ADAM23: variants seen among roughly 807,000 people sequenced by gnomAD.
The protein encoded by ADAM23 is disintegrin and metalloproteinase domain-containing protein 23.
ADAM23 carries 33 observed loss-of-function variants against 120.1 expected under a neutral mutation model. That is an observed-to-expected ratio of 0.27 (90% confidence interval 0.21 to 0.37). ADAM23 has a LOEUF of 0.37. ADAM23 is among the 10% of genes least tolerant of loss of function. ADAM23 has a pLI of 1.00. For missense variants in ADAM23, 862 were observed against 1,058.2 expected (o/e 0.81, Z 2.57); for synonymous variants, 367 against 375.2 (o/e 0.98, Z 0.25).
intron 7 of ADAM23, among the ~76,000 whole-genome samples, chr2:206,547,923 A>G (rs1256949696): frequency 6.6e-6 from 1 of 152,204 alleles, no homozygotes; most frequent in Non-Finnish European, 1.5e-5. Context: ...TCTGTATATT[A>G]CTGCTAAAAG....
rs183488602 is a variant in ADAM23 at position 206,537,760 on chromosome 2, T to C, written c.574-4292T>C. 1.1e-4 allele frequency among the ~76,000 whole-genome samples: 16 copies of C among 152,306 alleles called. No homozygotes were observed. In the East Asian group the frequency reaches 2.9e-3, roughly 28 times the overall value. On this transcript the variant is annotated intron_variant, in intron 4 of 25. Transcript: ENST00000264377. ...CCTATACTAAAAATGACTCTTTTAC[T>C]TGCGTGTACACTAGAATTTTTTCCC... is the stretch of plus-strand genomic sequence containing the variant.
At chr2:206,444,818 A>G (rs1156867868) in intron 1 of ADAM23, among the ~76,000 whole-genome samples, 1 of 152,220 alleles carries the variant, frequency 6.6e-6, no homozygotes, top group Non-Finnish European at 1.5e-5. Flanking sequence ...AGAGTCGATT[A>G]ATATTCGGTA....
chr2:206,520,790 C>G (rs879651730), intron 3 of ADAM23, among the ~76,000 whole-genome samples: 2 of 152,044 alleles, frequency 1.3e-5, no homozygotes, highest in Admixed American at 6.6e-5. Flanking sequence ...AAATAGCCTT[C>G]CAAGTTCTGA....
chr2:206,516,304 AATAAAG>A (rs1327791596), intron 3 of ADAM23, among the ~76,000 whole-genome samples: 8 of 152,088 alleles, frequency 5.3e-5, no homozygotes, highest in Non-Finnish European at 1.2e-4. Context: ...TCAGGAAAAA[AATAAAG>A]ATAATGTAAA....
At chr2:206,508,425 G>A (rs915420439) in intron 3 of ADAM23, among the ~76,000 whole-genome samples, 5 of 152,080 alleles carry the variant, frequency 3.3e-5, no homozygotes, top group African/African-American at 1.2e-4. Context: ...GGAGGCAGAG[G>A]CGAGCGGATC....
chr2:206,494,704 T>TTTTTCCCACTAGTATCTTTACTTA (rs1696202275), intron 3 of ADAM23, among the ~76,000 whole-genome samples: 1 of 152,228 alleles, frequency 6.6e-6, no homozygotes, highest in Non-Finnish European at 1.5e-5. Context: ...TTAGCTATTT[T>TTTTTCCCACTAGTATCTTTACTTA]GCATCTTTTT....
intron 3 of ADAM23, among the ~76,000 whole-genome samples, chr2:206,504,615 A>G (rs546560235): frequency 5.7e-4 from 87 of 152,322 alleles, no homozygotes; most frequent in African/African-American, 1.8e-3. Flanking sequence ...CTTTATTTCA[A>G]TTTTTAGCAA....
chr2:206,445,889 A>G (rs1695073346), intron 2 of ADAM23, among the ~76,000 whole-genome samples: 2 of 152,226 alleles, frequency 1.3e-5, no homozygotes, highest in South Asian at 4.1e-4. Context: ...GTCTCCCATG[A>G]TATAAAAACT....
chr2:206,481,212 C>T lies in ADAM23; in HGVS notation c.433-20C>T. ...GACAGGAAAGTAAGTTAAGGTTCTT[C>T]TGTCTTTTTGAATCCATAGGCTGTC... On this transcript the variant is annotated intron_variant, in intron 2 of 25. Transcript: ENST00000264377. The T allele has an allele frequency of 6.3e-7, 1 of 1,587,912 alleles. No homozygotes were observed. The highest frequency in any genetic ancestry group is 8.5e-7 in the Non-Finnish European group (1 of 1,170,232).
intron 2 of ADAM23, among the ~76,000 whole-genome samples, chr2:206,480,463 T>C (rs1205599190): frequency 7.0e-6 from 1 of 142,472 alleles, no homozygotes; most frequent in Non-Finnish European, 1.5e-5. Flanking sequence ...GCCTTGTTCT[T>C]TTTTTTTTTT....
intron 4 of ADAM23, among the ~76,000 whole-genome samples, chr2:206,534,298 C>T (rs1365752540): frequency 6.6e-6 from 1 of 151,950 alleles, no homozygotes. Flanking sequence ...TTTCCTTTTT[C>T]GTCCCTAGTT....
intron 2 of ADAM23, among the ~76,000 whole-genome samples, chr2:206,448,749 A>G (rs1029160757): frequency 1.3e-5 from 2 of 152,224 alleles, no homozygotes; most frequent in African/African-American, 4.8e-5. Context: ...ATAGCTGAAC[A>G]TGTGGAACTT....
intron 3 of ADAM23, among the ~76,000 whole-genome samples, chr2:206,500,773 T>G (rs929386496): frequency 1.3e-5 from 2 of 152,174 alleles, no homozygotes; most frequent in Admixed American, 6.6e-5. Context: ...CTGCCAGCAT[T>G]TTTATCCACC....
intron 2 of ADAM23, among the ~76,000 whole-genome samples, chr2:206,449,319 C>T (rs932994178): frequency 6.6e-6 from 1 of 152,158 alleles, no homozygotes; most frequent in African/African-American, 2.4e-5. Context: ...TAAATATAAG[C>T]ATTTTATTAA....
chr2:206,458,487 T>C (rs1342042675), intron 2 of ADAM23, among the ~76,000 whole-genome samples: 1 of 152,182 alleles, frequency 6.6e-6, no homozygotes, highest in Non-Finnish European at 1.5e-5. Flanking sequence ...AGAGACTACA[T>C]TGGGATGCAC....
At chr2:206,473,572 A>AAATAATAATAATAATAAT (rs137861771) in intron 2 of ADAM23, among the ~76,000 whole-genome samples, 5,355 of 147,100 alleles carry the variant, frequency 0.036, 126 homozygotes, top group Admixed American at 0.068. Flanking sequence ...CCCATCTCTA[A>AAATAATAATAATAATAAT]AATAATAATA....
intron 6 of ADAM23, among the ~76,000 whole-genome samples, chr2:206,546,330 T>C (rs997042608): frequency 6.6e-6 from 1 of 152,216 alleles, no homozygotes; most frequent in African/African-American, 2.4e-5. Flanking sequence ...CTGTAATTAA[T>C]TTTAGATATT....
At chr2:206,514,686 C>T (rs1331042048) in intron 3 of ADAM23, among the ~76,000 whole-genome samples, 1 of 152,124 alleles carries the variant, frequency 6.6e-6, no homozygotes, top group East Asian at 1.9e-4. Context: ...GCATCACATG[C>T]TACAGAGAAA....
chr2:206,477,929 CAA>C (rs1316372295), intron 2 of ADAM23, among the ~76,000 whole-genome samples: 3 of 68,018 alleles, frequency 4.4e-5, no homozygotes, highest in Non-Finnish European at 9.0e-5. Flanking sequence ...TATAAAACAA[CAA>C]TGTGGTTTAT....
Sources: allele counts gnomAD v4.1 joint callset (sites outside exome capture counted in the v4.1 genomes callset), GRCh38; gene constraint gnomAD v4.1.1; transcripts MANE v1.5; gene names NCBI Gene and HGNC (gene_info 2026-07-23, HGNC 2026-07-21).